TRMT11: variants seen among roughly 807,000 people sequenced by gnomAD.
The protein encoded by TRMT11 is tRNA methyltransferase 11.
TRMT11 carries 53 observed loss-of-function variants against 62.8 expected under a neutral mutation model. That is an observed-to-expected ratio of 0.84 (90% CI 0.68 to 1.06). The LOEUF (loss-of-function observed/expected upper bound fraction) is 1.06, where lower values mean the gene tolerates loss of function less well. TRMT11 is among the 50% of genes least tolerant of loss of function. The pLI is 0.00. For missense variants in TRMT11, 556 were observed against 553.4 expected (o/e 1.00, Z -0.05); for synonymous variants, 188 against 190.3 (o/e 0.99, Z 0.10).
chr6:126,076,637 G>A lies in TRMT11; in HGVS notation c.*1437+23447G>A, dbSNP rs116213967. Among the ~76,000 whole-genome samples, 419 of 152,120 alleles carry A rather than the reference G, an allele frequency of 2.8e-3. 2 individuals are homozygous for A. Among genetic ancestry groups the A allele is most frequent in the African/African-American group, 9.3e-3 (384 of 41,500 alleles). On this transcript the variant is annotated intron_variant and NMD_transcript_variant, in intron 17 of 22. Coordinates refer to the TRMT11 transcript ENST00000648977. ...CTTTCACTCCTTTGTCTCTAAACTCGAATAACTACCCATTGCCTAAAAAAG... is the reference window on the plus strand; with the variant it reads ...CTTTCACTCCTTTGTCTCTAAACTCAAATAACTACCCATTGCCTAAAAAAG...
At chr6:126,207,304 T>C (rs1412902892), downstream of TRMT11, among the ~76,000 whole-genome samples, 1 of 152,180 alleles carries the variant, frequency 6.6e-6, no homozygotes, top group African/African-American at 2.4e-5. Context: ...CCCTGGATCA[T>C]GGAGCTGGTA....
intron 17 of TRMT11, among the ~76,000 whole-genome samples, chr6:126,091,043 C>T (rs572787665): frequency 2.0e-5 from 3 of 152,166 alleles, no homozygotes; most frequent in African/African-American, 7.2e-5. Flanking sequence ...AACCCAGTCT[C>T]TACTAAAAAT....
intron 17 of TRMT11, among the ~76,000 whole-genome samples, chr6:126,083,788 A>G (rs1777185822): frequency 6.6e-6 from 1 of 152,062 alleles, no homozygotes; most frequent in African/African-American, 2.4e-5. Context: ...TTCCCTCCCA[A>G]TCACTGGTAA....
At chr6:126,089,709 T>G (rs1777252967) in intron 17 of TRMT11, among the ~76,000 whole-genome samples, 1 of 152,230 alleles carries the variant, frequency 6.6e-6, no homozygotes, top group African/African-American at 2.4e-5. Flanking sequence ...GGTAGAGGTT[T>G]TCTTCTTAAT....
At chr6:126,202,661 G>A (rs182018762), downstream of TRMT11, among the ~76,000 whole-genome samples, 4 of 151,952 alleles carry the variant, frequency 2.6e-5, no homozygotes, top group East Asian at 7.7e-4. Context: ...GCTAGACCAA[G>A]GCTTTTCAAA....
intron 1 of TRMT11, among the ~76,000 whole-genome samples, chr6:126,197,118 A>G (rs953212608): frequency 2.0e-5 from 3 of 152,236 alleles, no homozygotes; most frequent in Middle Eastern, 3.4e-3. Flanking sequence ...TCAACTTTAC[A>G]TGTATTTAAT....
At chr6:126,020,972 A>T (rs1374418882) in intron 11 of TRMT11, among the ~76,000 whole-genome samples, 188 bp from the exon 12 acceptor site, 2 of 152,222 alleles carry the variant, frequency 1.3e-5, no homozygotes, top group Non-Finnish European at 2.9e-5. Context: ...ATTTAACTGC[A>T]TTTTTGGGAT....
At chr6:126,045,932 T>C (rs1397755458) in intron 16 of TRMT11, among the ~76,000 whole-genome samples, 2 of 152,126 alleles carry the variant, frequency 1.3e-5, no homozygotes, top group Non-Finnish European at 2.9e-5. Flanking sequence ...GGGTCTTGGT[T>C]GCTTTCAGAG....
chr6:126,196,252 T>G (rs1219190405), intron 1 of TRMT11, among the ~76,000 whole-genome samples: 1 of 152,192 alleles, frequency 6.6e-6, no homozygotes, highest in Admixed American at 6.5e-5. Flanking sequence ...TTGATTGACC[T>G]TTGGAAAACA....
chr6:126,064,583 C>T (rs532159911), intron 17 of TRMT11, among the ~76,000 whole-genome samples: 3 of 151,924 alleles, frequency 2.0e-5, no homozygotes, highest in East Asian at 1.9e-4. Flanking sequence ...AAAGTCACCA[C>T]GAAAGATTAG....
rs17053789 is a variant in TRMT11 at position 126,112,894 on chromosome 6, G to T, written c.*1466G>T. Among the ~76,000 whole-genome samples the T allele has an allele frequency of 9.7e-3, 1,478 of 151,842 alleles. 26 individuals are homozygous for T. Among genetic ancestry groups the T allele is most frequent in the African/African-American group, 0.033 (1,355 of 41,432 alleles). ...AAAGAAACCAAGTCTCCTTGAATCA[G>T]TTTATCCCAATGTCTTCTGGTTTTC... On this transcript the variant is annotated 3_prime_UTR_variant and NMD_transcript_variant, in exon 18 of 23. Coordinates refer to the TRMT11 transcript ENST00000648977.
chr6:126,165,155 A>G (rs1427733140), intron 21 of TRMT11, among the ~76,000 whole-genome samples: 2 of 151,888 alleles, frequency 1.3e-5, no homozygotes, highest in East Asian at 1.9e-4. Context: ...GTGGGTGCCT[A>G]TAATCCCAGC....
intron 1 of TRMT11, among the ~76,000 whole-genome samples, chr6:125,989,019 T>C (rs1790146354): frequency 6.6e-6 from 1 of 152,106 alleles, no homozygotes; most frequent in South Asian, 2.1e-4. Context: ...TTATGGTAAT[T>C]TGGAAGGCTT....
At chr6:126,093,021 G>A (rs537702085) in intron 17 of TRMT11, among the ~76,000 whole-genome samples, 228 of 152,258 alleles carry the variant, frequency 1.5e-3, no homozygotes, top group African/African-American at 5.0e-3. Context: ...GAAAAGGAAT[G>A]TAATATTTTA....
chr6:126,068,239 C>T (rs190641224), intron 17 of TRMT11, among the ~76,000 whole-genome samples: 54 of 152,186 alleles, frequency 3.5e-4, no homozygotes, highest in African/African-American at 1.2e-3. Flanking sequence ...GCTTTTTACT[C>T]ATTTAATAAT....
chr6:126,227,599 C>T, the TRMT11 span, among the ~76,000 whole-genome samples: 2 of 152,126 alleles, frequency 1.3e-5, no homozygotes, highest in Admixed American at 1.3e-4. Context: ...TCCCACTTTC[C>T]CTAAATTAAT....
chr6:126,220,391 AC>A, the TRMT11 span, among the ~76,000 whole-genome samples: 4 of 151,832 alleles, frequency 2.6e-5, no homozygotes, highest in Non-Finnish European at 5.9e-5. Flanking sequence ...TTGCCCACAA[AC>A]CCCTGACTTC....
chr6:126,043,741 C>G (rs1451627086), downstream of TRMT11, among the ~76,000 whole-genome samples: 54 of 150,016 alleles, frequency 3.6e-4, no homozygotes, highest in African/African-American at 1.3e-3. Flanking sequence ...TTAATGATTG[C>G]CATTCTAACT....
chr6:126,227,555 C>T, the TRMT11 span, among the ~76,000 whole-genome samples: 1 of 152,122 alleles, frequency 6.6e-6, no homozygotes, highest in Admixed American at 6.5e-5. Flanking sequence ...CAGAAAATTG[C>T]CTAAAAAACT....
Sources: gnomAD v4.1 joint callset for allele counts (sites outside exome capture counted in the v4.1 genomes callset) on GRCh38, gnomAD v4.1.1 for gene constraint, MANE v1.5 for transcripts, NCBI Gene and HGNC (gene_info 2026-07-23, HGNC 2026-07-21) for gene names.